The following RUFY4 variants were observed in gnomAD, a reference collection of about 807,000 sequenced individuals.
RUFY4 encodes RUN and FYVE domain containing 4.
A neutral mutation model predicts 69.0 loss-of-function variants in RUFY4; 73 were observed. That is an observed-to-expected ratio of 1.06 (90% confidence interval 0.88 to 1.29). RUFY4 has a LOEUF of 1.29. Among genes scored for constraint, RUFY4 ranks in the 50% most tolerant of loss-of-function variants. RUFY4 has a pLI of 0.00. For synonymous variants in RUFY4, 287 were observed against 271.8 expected (o/e 1.06, Z -0.55); for missense variants, 770 against 705.6 (o/e 1.09, Z -1.03).
At chr2:218,037,218 G>A (rs1238091281) in intron 2 of RUFY4, among the ~76,000 whole-genome samples, 1 of 152,016 alleles carries the variant, frequency 6.6e-6, no homozygotes, top group Non-Finnish European at 1.5e-5. Flanking sequence ...TACTTGGGAG[G>A]CTGAGGCAGA....
intron 2 of RUFY4, among the ~76,000 whole-genome samples, chr2:218,043,913 GC>G (rs991752948): frequency 6.6e-6 from 1 of 152,222 alleles, no homozygotes; most frequent in Non-Finnish European, 1.5e-5. Flanking sequence ...GCTTGTCAGT[GC>G]CCAAAGTCCA....
chr2:218,083,406 C>T (rs1689814933), intron 9 of RUFY4, 150 bp downstream of exon 11: 1 of 1,087,530 alleles, frequency 9.2e-7, no homozygotes, highest in Non-Finnish European at 1.3e-6. Context: ...CTTTTAGCCA[C>T]TCCCTGCTGT....
At chr2:218,082,462 C>T (rs138988234) in intron 8 of RUFY4, among the ~76,000 whole-genome samples, 1,580 of 152,268 alleles carry the variant, frequency 0.01, 33 homozygotes, top group African/African-American at 0.033. Flanking sequence ...AAAAACAAAG[C>T]CGGGAGGAGG....
At chr2:218,071,402 G>C (rs570175896) in intron 2 of RUFY4, among the ~76,000 whole-genome samples, 5 of 152,218 alleles carry the variant, frequency 3.3e-5, no homozygotes, top group African/African-American at 9.6e-5. Flanking sequence ...GAGCACACCA[G>C]TCATGCTCCT....
chr2:218,069,586 T>G (rs1279255691), upstream of RUFY4: 2 of 152,122 alleles, frequency 1.3e-5, no homozygotes, highest in Non-Finnish European at 2.9e-5. Flanking sequence ...GATCACACAG[T>G]GAGTTCATAG....
At chr2:218,059,931 A>G in intron 3 of RUFY4, 3 of 171,256 alleles carry the variant, frequency 1.8e-5, no homozygotes. Context: ...AACATTTTAC[A>G]TTCCCGCTCA....
At chr2:218,065,265 G>T (rs563530923), upstream of RUFY4, among the ~76,000 whole-genome samples, 3 of 152,216 alleles carry the variant, frequency 2.0e-5, no homozygotes, top group Admixed American at 6.5e-5. Flanking sequence ...GAGAGGAGGG[G>T]TGGGGGGAGA....
At chr2:218,035,408 C>T (rs1047372983) in intron 2 of RUFY4, 5 of 151,884 alleles carry the variant, frequency 3.3e-5, no homozygotes, top group African/African-American at 1.2e-4. Flanking sequence ...AGTGATTTGC[C>T]CGAGATCACA....
exon 10 of RUFY4, chr2:218,089,281 A>T (rs374078623): frequency 1.4e-5 from 22 of 1,613,604 alleles, no homozygotes; most frequent in Non-Finnish European, 1.8e-5. Flanking sequence ...CAGAGGCTCC[A>T]GCATCTCTCT....
At chr2:218,049,148 C>T (rs1257776413) in intron 2 of RUFY4, among the ~76,000 whole-genome samples, 1 of 152,132 alleles carries the variant, frequency 6.6e-6, no homozygotes, top group Non-Finnish European at 1.5e-5. Flanking sequence ...ATTTCTTGGC[C>T]CTGAGTTTCC....
At chr2:218,089,199 A>G (rs1399361851) in intron 9 of RUFY4, 53 bp from the exon 12 acceptor site, 8 of 1,427,810 alleles carry the variant, frequency 5.6e-6, no homozygotes, top group Non-Finnish European at 6.8e-6. Flanking sequence ...TCCCATTTCT[A>G]TCTTTTGATC....
downstream of RUFY4, chr2:218,090,625 C>A (rs981143587): frequency 4.5e-5 from 7 of 153,942 alleles, no homozygotes; most frequent in East Asian, 1.3e-3. Context: ...ATGAAACCGT[C>A]TTCATAAACA....
chr2:218,060,787 G>A (rs780016517), intron 3 of RUFY4: 93 of 1,577,210 alleles, frequency 5.9e-5, no homozygotes, highest in Non-Finnish European at 7.4e-5. Flanking sequence ...GGCAGGATCC[G>A]TAACAGCATC....
At chr2:218,044,548 A>C (rs2106027934) in intron 2 of RUFY4, among the ~76,000 whole-genome samples, 1 of 152,216 alleles carries the variant, frequency 6.6e-6, no homozygotes, top group Middle Eastern at 3.4e-3. Flanking sequence ...TATTAAGCCT[A>C]GTACCCATTA....
At chr2:218,061,231 C>T (rs148287403) in intron 3 of RUFY4, 198 of 373,590 alleles carry the variant, frequency 5.3e-4, no homozygotes, top group African/African-American at 3.9e-3. Flanking sequence ...TTTCACATCA[C>T]GTTCAGTAGA....
intron 3 of RUFY4, among the ~76,000 whole-genome samples, chr2:218,062,020 G>A (rs752681304): frequency 1.1e-4 from 17 of 152,238 alleles, no homozygotes; most frequent in Non-Finnish European, 2.5e-4. Context: ...AGAATCTTCA[G>A]TTAATTAGTA....
intron 2 of RUFY4, 36 bp from the exon 5 acceptor site, chr2:218,072,338 C>A: frequency 6.5e-7 from 1 of 1,534,956 alleles, no homozygotes; most frequent in African/African-American, 1.4e-5. Flanking sequence ...TGGGAGGAAG[C>A]ATTTCTACAC....
intron 2 of RUFY4, among the ~76,000 whole-genome samples, chr2:218,054,007 T>G (rs986730739): frequency 2.0e-5 from 3 of 152,224 alleles, no homozygotes; most frequent in African/African-American, 7.2e-5. Flanking sequence ...CGTCTAAAGA[T>G]TATATGAAAT....
upstream of RUFY4, chr2:218,068,711 C>A: frequency 6.6e-6 from 1 of 152,650 alleles, no homozygotes; most frequent in Non-Finnish European, 1.5e-5. Context: ...ACCCACCTGG[C>A]CCATTGCTGG....
Sources: gnomAD v4.1 joint callset for allele counts (sites outside exome capture counted in the v4.1 genomes callset) on GRCh38, gnomAD v4.1.1 for gene constraint, MANE v1.5 for transcripts, NCBI Gene and HGNC (gene_info 2026-07-23, HGNC 2026-07-21) for gene names.